COL25A1: variants seen among roughly 807,000 people sequenced by gnomAD.
COL25A1 encodes the protein collagen type XXV alpha 1 chain.
Under a neutral mutation model 128.4 loss-of-function variants are expected in COL25A1, and 103 were observed. The ratio of observed to expected loss-of-function variants is 0.80; its 90% CI spans 0.68 to 0.94. The LOEUF (loss-of-function observed/expected upper bound fraction) is 0.94, where lower values mean the gene tolerates loss of function less well. COL25A1 is among the 40% of genes least tolerant of loss of function. COL25A1 has a pLI of 0.00. For missense variants in COL25A1, 745 were observed against 840.0 expected, an observed-to-expected ratio of 0.89 and a Z score of 1.40; for synonymous variants, 279 against 277.2, an observed-to-expected ratio of 1.01 and a Z score of -0.06.
intron 3 of COL25A1, among the ~76,000 whole-genome samples, chr4:109,288,880 C>A (rs1444910984): frequency 1.3e-5 from 2 of 151,378 alleles, no homozygotes; most frequent in Admixed American, 1.3e-4. Flanking sequence ...ACATTCAGTC[C>A]CCCAAATCCA....
chr4:108,882,296 T>C (rs1457100613), intron 19 of COL25A1, among the ~76,000 whole-genome samples: 3 of 147,586 alleles, frequency 2.0e-5, no homozygotes, highest in Non-Finnish European at 4.4e-5. Flanking sequence ...GATAATCAAT[T>C]CCACATTCTC....
intron 30 of COL25A1, 99 bp from the exon 31 acceptor site, chr4:108,841,820 A>G: frequency 2.0e-6 from 2 of 992,790 alleles, no homozygotes; most frequent in African/African-American, 1.6e-5. Context: ...TGAGACAAGC[A>G]TCTTCTTGTT....
intron 8 of COL25A1, among the ~76,000 whole-genome samples, chr4:108,958,664 T>C (rs1750337447): frequency 6.6e-6 from 1 of 152,052 alleles, no homozygotes; most frequent in Admixed American, 6.6e-5. Context: ...CTAAAATTCA[T>C]CTTTTTAACA....
intron 8 of COL25A1, among the ~76,000 whole-genome samples, chr4:108,972,740 CAG>C (rs748893894): frequency 2.0e-5 from 3 of 152,164 alleles, no homozygotes; most frequent in Non-Finnish European, 2.9e-5. Context: ...TGGCCCCACT[CAG>C]TGTGAAAACT....
At chr4:109,097,170 G>A (rs922983994) in intron 3 of COL25A1, among the ~76,000 whole-genome samples, 5 of 152,150 alleles carry the variant, frequency 3.3e-5, no homozygotes, top group African/African-American at 1.2e-4. Context: ...TAATGTTTCA[G>A]TTTGATTATG....
intron 3 of COL25A1, among the ~76,000 whole-genome samples, chr4:109,176,071 C>T (rs1230130001): frequency 6.6e-6 from 1 of 152,112 alleles, no homozygotes; most frequent in African/African-American, 2.4e-5. Flanking sequence ...CCTACCAGGG[C>T]CACCCATTGA....
At chr4:109,273,797 T>C (rs1019780000) in intron 3 of COL25A1, among the ~76,000 whole-genome samples, 2 of 152,178 alleles carry the variant, frequency 1.3e-5, no homozygotes, top group Non-Finnish European at 2.9e-5. Context: ...AGTTTTCTTA[T>C]ATGCAAATTG....
At chr4:109,127,367 C>T (rs1768720730) in intron 3 of COL25A1, among the ~76,000 whole-genome samples, 1 of 149,678 alleles carries the variant, frequency 6.7e-6, no homozygotes, top group African/African-American at 2.4e-5. Flanking sequence ...CTAGTTGCAA[C>T]AGTATGCAAC....
intron 28 of COL25A1, 46 bp downstream of exon 28, chr4:108,846,093 A>G (rs770105814): frequency 8.2e-7 from 1 of 1,213,938 alleles, no homozygotes; most frequent in Non-Finnish European, 1.2e-6. Context: ...TATCTTAATA[A>G]GAACATAATA....
chr4:108,849,597 G>T (rs934320629), intron 26 of COL25A1, among the ~76,000 whole-genome samples: 1 of 152,114 alleles, frequency 6.6e-6, no homozygotes, highest in Non-Finnish European at 1.5e-5. Context: ...TTTGAAAGGT[G>T]ACTAAATAAA....
At chr4:109,147,498 C>A (rs1288403375) in intron 3 of COL25A1, among the ~76,000 whole-genome samples, 1 of 152,084 alleles carries the variant, frequency 6.6e-6, no homozygotes, top group East Asian at 1.9e-4. Context: ...TCATTTTATT[C>A]TGGGTCTATA....
chr4:108,974,420 GT>G, intron 7 of COL25A1, 27 bp from the exon 8 acceptor site: 1 of 1,613,644 alleles, frequency 6.2e-7, no homozygotes, highest in Non-Finnish European at 8.5e-7. Flanking sequence ...TGAGATAACA[GT>G]TTTAGCCAAA....
At chr4:108,962,290 C>T (rs1750812325) in intron 8 of COL25A1, among the ~76,000 whole-genome samples, 2 of 151,736 alleles carry the variant, frequency 1.3e-5, no homozygotes, top group East Asian at 1.9e-4. Flanking sequence ...CGGGTTCAAG[C>T]GATTCTCCTG....
intron 5 of COL25A1, among the ~76,000 whole-genome samples, chr4:109,018,895 T>A (rs1479241644): frequency 6.6e-6 from 1 of 152,220 alleles, no homozygotes; most frequent in Non-Finnish European, 1.5e-5. Context: ...CACTGCAGAA[T>A]AAATGCATCA....
chr4:108,893,882 C>T (rs1431921096), intron 16 of COL25A1, among the ~76,000 whole-genome samples: 1 of 152,126 alleles, frequency 6.6e-6, no homozygotes, highest in Non-Finnish European at 1.5e-5. Context: ...ATAAATGCTA[C>T]AGGTCGGATT....
chr4:108,952,920 T>C lies in COL25A1; in HGVS notation c.493-11483A>G, dbSNP rs1749634715. On this transcript the variant is annotated intron_variant, in intron 8 of 37. Coordinates refer to ENST00000399132, the MANE Select transcript of COL25A1 (RefSeq NM_198721.4). ...GCCATTCTCTGGGAACTCTATTCAG[T>C]ACTCTGGTTTAATGAGTATTTGCTA... Among the ~76,000 whole-genome samples, 2 of 144,704 alleles carry C rather than the reference T, an allele frequency of 1.4e-5. 1 individual carries two copies. The highest frequency in any genetic ancestry group is 4.5e-4 in the South Asian group (2 of 4,490). The allele number at this position is 144,704 out of a possible 152,430, so 94.9% of individuals were successfully genotyped here. A position where few individuals can be genotyped will look rare whatever the true frequency, so the allele number is the denominator to read the frequency against.
intron 19 of COL25A1, among the ~76,000 whole-genome samples, chr4:108,872,795 A>AG (rs1376921738): frequency 6.6e-6 from 1 of 152,206 alleles, no homozygotes; most frequent in Non-Finnish European, 1.5e-5. Flanking sequence ...CTTTTTAAAA[A>AG]ATCTTGTCTT....
rs535189472 is a variant in COL25A1 at position 109,070,052 on chromosome 4, C to T, written c.368-19873G>A. On this transcript the variant is annotated intron_variant, in intron 3 of 37. Coordinates refer to ENST00000399132, the MANE Select transcript of COL25A1 (RefSeq NM_198721.4). Reference sequence around the variant, plus strand: ...TGGGCAGATCACAAGGTCAGGAGATCGGAACCAGCCTGGCCAACAAGGTGA... The same window carrying T: ...TGGGCAGATCACAAGGTCAGGAGATTGGAACCAGCCTGGCCAACAAGGTGA... Among the ~76,000 whole-genome samples the T allele has an allele frequency of 5.4e-5, 8 of 149,504 alleles. No homozygotes were observed. In the South Asian group the frequency reaches 6.3e-4, roughly 12 times the overall value.
intron 3 of COL25A1, among the ~76,000 whole-genome samples, chr4:109,093,444 A>G (rs1579342034): frequency 7.7e-6 from 1 of 130,464 alleles, no homozygotes; most frequent in East Asian, 2.3e-4. Context: ...ATACAGCAAG[A>G]CTCCATCTCT....
Sources: gnomAD v4.1 joint callset for allele counts (sites outside exome capture counted in the v4.1 genomes callset) on GRCh38, gnomAD v4.1.1 for gene constraint, MANE v1.5 for transcripts, NCBI Gene and HGNC (gene_info 2026-07-23, HGNC 2026-07-21) for gene names.